The following TMEM131 variants were observed in gnomAD, a reference collection of about 807,000 sequenced individuals.
TMEM131 encodes the protein 2610524E03Rik.
A neutral mutation model predicts 211.6 loss-of-function variants in TMEM131; 66 were observed. The observed-to-expected ratio is 0.31, with a 90% CI of 0.26 to 0.38. TMEM131 has a LOEUF of 0.38. Ranked by LOEUF, TMEM131 falls within the 10% of genes least tolerant of loss-of-function variation. The probability of loss-of-function intolerance (pLI) is 1.00; values close to 1 mark genes in which losing one functional copy is unlikely to be tolerated. For synonymous variants in TMEM131, 844 were observed against 841.3 expected, an observed-to-expected ratio of 1.00 and a Z score of -0.06; for missense variants, 2,036 against 2,299.3, an observed-to-expected ratio of 0.89 and a Z score of 2.34.
chr2:97,904,111 AT>A (rs968016386), intron 3 of TMEM131, among the ~76,000 whole-genome samples: 1 of 152,170 alleles, frequency 6.6e-6, no homozygotes, highest in African/African-American at 2.4e-5. Flanking sequence ...TGGACCCCAA[AT>A]TTTTTAAAAT....
At chr2:97,946,518 A>T (rs993961156) in intron 1 of TMEM131, among the ~76,000 whole-genome samples, 4 of 152,062 alleles carry the variant, frequency 2.6e-5, no homozygotes, top group Non-Finnish European at 4.4e-5. Context: ...TCAAAGACTC[A>T]AAATACCAAA....
At chr2:97,772,220 C>A in intron 33 of TMEM131, 77 bp downstream of exon 33, 9 of 1,553,472 alleles carry the variant, frequency 5.8e-6, no homozygotes, top group Non-Finnish European at 7.8e-6. Context: ...AGCCAAATGG[C>A]CAAATCAAAA....
At chr2:97,938,003 G>A (rs1023365026) in intron 1 of TMEM131, among the ~76,000 whole-genome samples, 5 of 152,144 alleles carry the variant, frequency 3.3e-5, no homozygotes, top group African/African-American at 1.2e-4. Flanking sequence ...CACCAGGCCT[G>A]CCTTACAAGA....
chr2:97,967,997 G>A (rs1679132898), intron 1 of TMEM131, among the ~76,000 whole-genome samples: 2 of 151,536 alleles, frequency 1.3e-5, no homozygotes, highest in African/African-American at 2.4e-5. Context: ...TACTGCCTAA[G>A]ACCTCAAAAT....
intron 1 of TMEM131, among the ~76,000 whole-genome samples, chr2:97,964,246 T>TTGTA (rs1678945467): frequency 6.6e-6 from 1 of 152,224 alleles, no homozygotes; most frequent in Non-Finnish European, 1.5e-5. Context: ...TGTAATACAA[T>TTGTA]TTAGGAAATT....
At chr2:97,823,450 A>T (rs894866495) in intron 11 of TMEM131, among the ~76,000 whole-genome samples, 1 of 152,234 alleles carries the variant, frequency 6.6e-6, no homozygotes, top group African/African-American at 2.4e-5. Context: ...GAGAGATGTC[A>T]TGCTATTGTT....
chr2:97,843,189 G>A (rs572456747), intron 6 of TMEM131, among the ~76,000 whole-genome samples: 9 of 152,156 alleles, frequency 5.9e-5, no homozygotes, highest in African/African-American at 2.2e-4. Flanking sequence ...ACATGAGTTT[G>A]AGTCCCCCTC....
At chr2:97,769,540 C>T (rs1024977425) in intron 33 of TMEM131, among the ~76,000 whole-genome samples, 2 of 152,032 alleles carry the variant, frequency 1.3e-5, no homozygotes, top group African/African-American at 2.4e-5. Context: ...CTGGGGCTGG[C>T]GTGTGCAGTG....
At chr2:97,820,949 T>C (rs1254877589) in intron 11 of TMEM131, among the ~76,000 whole-genome samples, 2 of 152,114 alleles carry the variant, frequency 1.3e-5, no homozygotes, top group African/African-American at 4.8e-5. Flanking sequence ...TTTGCTTTTT[T>C]TCCCCCCACA....
intron 2 of TMEM131, among the ~76,000 whole-genome samples, chr2:97,924,155 C>G (rs987854605): frequency 1.3e-5 from 2 of 151,738 alleles, no homozygotes; most frequent in Admixed American, 1.3e-4. Context: ...GAGACCAAGG[C>G]GAGAAGATGG....
At chr2:97,896,626 G>C (rs1397074687) in intron 3 of TMEM131, among the ~76,000 whole-genome samples, 1 of 151,994 alleles carries the variant, frequency 6.6e-6, no homozygotes, top group Non-Finnish European at 1.5e-5. Context: ...GCCCTTCTTT[G>C]TCTCTTTTGA....
intron 5 of TMEM131, among the ~76,000 whole-genome samples, chr2:97,849,717 C>CTTTTTTTTTTTTTTTT (rs11320615): frequency 2.9e-5 from 3 of 103,826 alleles, no homozygotes; most frequent in Non-Finnish European, 3.7e-5. Flanking sequence ...CTCTCTCTCT[C>CTTTTTTTTTTTTTTTT]TTTTTTTTTT....
chr2:97,885,239 C>A (rs2104235276), intron 4 of TMEM131, among the ~76,000 whole-genome samples: 1 of 152,132 alleles, frequency 6.6e-6, no homozygotes, highest in South Asian at 2.1e-4. Context: ...GCTCTGTCAC[C>A]CAGCCTGGAG....
chr2:97,780,288 CA>C (rs1214897722), intron 31 of TMEM131, among the ~76,000 whole-genome samples: 1 of 152,146 alleles, frequency 6.6e-6, no homozygotes, highest in Non-Finnish European at 1.5e-5. Context: ...ATTTTACCAT[CA>C]ATCAATCGGT....
At chr2:97,907,149 T>C (rs1253624092) in intron 3 of TMEM131, 1 of 152,162 alleles carries the variant, frequency 6.6e-6, no homozygotes, top group Non-Finnish European at 1.5e-5. Flanking sequence ...TAGAGAGTTC[T>C]AGGGTTCTTA....
intron 1 of TMEM131, among the ~76,000 whole-genome samples, chr2:97,964,721 T>C (rs1678969109): frequency 1.3e-5 from 2 of 152,230 alleles, no homozygotes; most frequent in African/African-American, 4.8e-5. Context: ...ATCCTGACAC[T>C]GTACTATGCA....
At chr2:97,849,426 T>C (rs1453725475) in intron 5 of TMEM131, among the ~76,000 whole-genome samples, 1 of 152,058 alleles carries the variant, frequency 6.6e-6, no homozygotes, top group African/African-American at 2.4e-5. Context: ...CACCAACCAA[T>C]ATGAAATGCA....
chr2:97,774,288 G>A (rs753501073), intron 32 of TMEM131, among the ~76,000 whole-genome samples: 12 of 152,236 alleles, frequency 7.9e-5, no homozygotes, highest in South Asian at 2.1e-4. Flanking sequence ...CACCTAGCAC[G>A]TGGCCTGGCA....
intron 32 of TMEM131, among the ~76,000 whole-genome samples, chr2:97,773,583 C>T (rs1679568973): frequency 6.6e-6 from 1 of 152,130 alleles, no homozygotes; most frequent in South Asian, 2.1e-4. Context: ...GACTTCATTG[C>T]AGCATCTGAG....
Sources: allele counts gnomAD v4.1 joint callset (sites outside exome capture counted in the v4.1 genomes callset), GRCh38; gene constraint gnomAD v4.1.1; transcripts MANE v1.5; gene names NCBI Gene and HGNC (gene_info 2026-07-23, HGNC 2026-07-21).